The following CCNY variants were observed in gnomAD, a reference collection of about 807,000 sequenced individuals.
The protein encoded by CCNY is cyclin-Y.
A neutral mutation model predicts 42.8 loss-of-function variants in CCNY; 19 were observed. That is an observed-to-expected ratio of 0.44 (90% CI 0.31 to 0.65). The LOEUF is 0.65. CCNY is among the 30% of genes least tolerant of loss of function. The pLI is 0.07. For missense variants in CCNY, 370 were observed against 437.3 expected (o/e 0.85, Z 1.37); for synonymous variants, 165 against 162.7 (o/e 1.01, Z -0.11).
At chr10:35,258,276 G>C (rs1327041559) in intron 3 of CCNY, among the ~76,000 whole-genome samples, 4 of 152,224 alleles carry the variant, frequency 2.6e-5, no homozygotes, top group Non-Finnish European at 4.4e-5. Context: ...GTGACAAGAA[G>C]TCAGGCTGAG....
intron 1 of CCNY, among the ~76,000 whole-genome samples, chr10:35,407,569 G>A (rs893055009): frequency 1.3e-5 from 2 of 152,156 alleles, no homozygotes; most frequent in Admixed American, 6.5e-5. Flanking sequence ...AAAATCGAAA[G>A]TGCCGTTTTC....
chr10:35,513,063 T>A (rs1022189799), intron 3 of CCNY, among the ~76,000 whole-genome samples: 1 of 152,176 alleles, frequency 6.6e-6, no homozygotes, highest in Non-Finnish European at 1.5e-5. Flanking sequence ...CAATAAAATC[T>A]TCTTAAATAT....
Position 35,416,160 on chromosome 10 carries a change from C to CGTGTGTGTGTGTGTGTGTGTGTGTGT in CCNY, c.155-67235_155-67210dup, listed in dbSNP as rs57188309. On this transcript the variant is annotated intron_variant, in intron 1 of 9. Coordinates refer to ENST00000374704, the MANE Select transcript of CCNY (RefSeq NM_145012.6). The stretch of plus-strand genomic sequence containing the variant: ...ACCTGATCTGGAAACTTGTGGCACC[C>CGTGTGTGTGTGTGTGTGTGTGTGTGT]GTGTGTGTGTGTGTGTGTGTGTGTG... 2.3e-4 allele frequency among the ~76,000 whole-genome samples: 33 copies of CGTGTGTGTGTGTGTGTGTGTGTGTGT among 144,496 alleles called. 1 individual carries two copies. Among genetic ancestry groups the CGTGTGTGTGTGTGTGTGTGTGTGTGT allele is most frequent in the African/African-American group, 7.2e-4 (28 of 38,734 alleles). The allele number at this position is 144,496 out of a possible 152,430, so 94.8% of individuals were successfully genotyped here. A position where few individuals can be genotyped will look rare whatever the true frequency, so the allele number is the denominator to read the frequency against.
At chr10:35,260,385 C>T (rs765064342) in intron 3 of CCNY, among the ~76,000 whole-genome samples, 1 of 152,112 alleles carries the variant, frequency 6.6e-6, no homozygotes, top group Non-Finnish European at 1.5e-5. Context: ...TGCCAGGGGC[C>T]GACTGGGCTG....
At chr10:35,522,286 C>T (rs539996016) in intron 4 of CCNY, among the ~76,000 whole-genome samples, 1 of 152,318 alleles carries the variant, frequency 6.6e-6, no homozygotes, top group Non-Finnish European at 1.5e-5. Context: ...GCCTGCTGAT[C>T]CTCACAGTTT....
At chr10:35,418,300 G>C (rs895923923) in intron 1 of CCNY, among the ~76,000 whole-genome samples, 2 of 152,014 alleles carry the variant, frequency 1.3e-5, no homozygotes, top group Non-Finnish European at 2.9e-5. Context: ...CGGGGGTGGA[G>C]GAATGAAAAG....
chr10:35,317,827 A>T (rs552723736), intron 3 of CCNY, among the ~76,000 whole-genome samples: 48 of 152,182 alleles, frequency 3.2e-4, no homozygotes, highest in Non-Finnish European at 4.7e-4. Flanking sequence ...GTTTGGAGGA[A>T]GCTATTGCTT....
chr10:35,501,386 G>C, intron 2 of CCNY, 115 bp from the exon 3 acceptor site: 1 of 786,572 alleles, frequency 1.3e-6, no homozygotes, highest in East Asian at 2.4e-5. Context: ...TGAGCAAGTG[G>C]GTATGTTGGT....
intron 1 of CCNY, among the ~76,000 whole-genome samples, chr10:35,416,584 A>T (rs1838030252): frequency 6.6e-6 from 1 of 152,238 alleles, no homozygotes; most frequent in Non-Finnish European, 1.5e-5. Flanking sequence ...ATTGGACTTA[A>T]TTGAGCAAAT....
chr10:35,501,126 T>G (rs1390173219), intron 2 of CCNY, among the ~76,000 whole-genome samples: 1 of 152,196 alleles, frequency 6.6e-6, no homozygotes, highest in Non-Finnish European at 1.5e-5. Context: ...GCTTTATGGG[T>G]CTGGTAGGGT....
chr10:35,432,229 G>C (rs1416639712), intron 1 of CCNY, among the ~76,000 whole-genome samples: 1 of 152,178 alleles, frequency 6.6e-6, no homozygotes, highest in Non-Finnish European at 1.5e-5. Flanking sequence ...TTGGGAAGGT[G>C]TTTTAATTTC....
At chr10:35,433,848 A>T (rs1838468467) in intron 1 of CCNY, among the ~76,000 whole-genome samples, 1 of 152,184 alleles carries the variant, frequency 6.6e-6, no homozygotes, top group Admixed American at 6.5e-5. Flanking sequence ...ACCTCAGGTG[A>T]TCCTTCTGCC....
At chr10:35,338,162 A>G (rs1041983161) in intron 1 of CCNY, among the ~76,000 whole-genome samples, 3 of 152,232 alleles carry the variant, frequency 2.0e-5, no homozygotes, top group Admixed American at 2.0e-4. Context: ...TTGAACTAAT[A>G]TGAAGAAATT....
intron 1 of CCNY, among the ~76,000 whole-genome samples, chr10:35,370,334 G>C (rs892182422): frequency 5.3e-5 from 8 of 151,962 alleles, no homozygotes; most frequent in African/African-American, 1.9e-4. Context: ...TGTATTTTTA[G>C]TAGAGACGGG....
chr10:35,491,432 C>A (rs575422942), intron 2 of CCNY, among the ~76,000 whole-genome samples: 1 of 152,240 alleles, frequency 6.6e-6, no homozygotes, highest in Non-Finnish European at 1.5e-5. Context: ...CCAGCCTCTT[C>A]CAGGACCCCT....
chr10:35,322,990 G>A (rs1352758753), intron 3 of CCNY, among the ~76,000 whole-genome samples: 1 of 152,122 alleles, frequency 6.6e-6, no homozygotes, highest in Non-Finnish European at 1.5e-5. Flanking sequence ...ACAGTGGTGT[G>A]AGCTTGGCTC....
At chr10:35,546,567 A>C (rs541092794) in intron 7 of CCNY, among the ~76,000 whole-genome samples, 1 of 152,378 alleles carries the variant, frequency 6.6e-6, no homozygotes, top group East Asian at 1.9e-4. Flanking sequence ...TTTACTAAAG[A>C]AGTTGCAGCT....
chr10:35,527,023 G>C (rs902213245), intron 5 of CCNY, among the ~76,000 whole-genome samples: 2 of 152,194 alleles, frequency 1.3e-5, no homozygotes, highest in African/African-American at 2.4e-5. Flanking sequence ...AGTCAGTGCA[G>C]GGGAGGTTGG....
chr10:35,473,354 T>C lies in CCNY; in HGVS notation c.155-10050T>C, dbSNP rs112083139. Among the ~76,000 whole-genome samples the C allele has an allele frequency of 3.3e-3, 510 of 152,366 alleles. 4 individuals are homozygous for C. The highest frequency in any genetic ancestry group is 0.012 in the African/African-American group (480 of 41,578). On this transcript the variant is annotated intron_variant, in intron 1 of 9. Transcript: ENST00000374704. The stretch of plus-strand genomic sequence containing the variant: ...TCACTCTTTCAGTAAGGCAGTAGTT[T>C]GTGTTACAATGACACCCAGTAGAGT...
Sources: allele counts gnomAD v4.1 joint callset (sites outside exome capture counted in the v4.1 genomes callset), GRCh38; gene constraint gnomAD v4.1.1; transcripts MANE v1.5; gene names NCBI Gene and HGNC (gene_info 2026-07-23, HGNC 2026-07-21).